The following CHRM3 variants were observed in gnomAD, a reference collection of about 807,000 sequenced individuals.
CHRM3 encodes the protein muscarinic acetylcholine receptor M3.
Under a neutral mutation model 41.8 loss-of-function variants are expected in CHRM3, and 11 were observed. That is an observed-to-expected ratio of 0.26 (90% CI 0.17 to 0.44). The LOEUF (loss-of-function observed/expected upper bound fraction) is 0.44. Among genes scored for constraint, CHRM3 ranks in the 20% least tolerant of loss-of-function variants. The probability of loss-of-function intolerance (pLI) is 1.00; values close to 1 mark genes in which losing one functional copy is unlikely to be tolerated. For synonymous variants in CHRM3, 297 were observed against 301.4 expected (o/e 0.99, Z 0.15); for missense variants, 571 against 745.4 (o/e 0.77, Z 2.72).
chr1:239,539,523 CT>C (rs5782085), intron 2 of CHRM3, among the ~76,000 whole-genome samples: 96,837 of 152,164 alleles, frequency 0.64, 37,232 homozygotes, highest in Non-Finnish European at 0.83. Flanking sequence ...ATTTCTCTTT[CT>C]TTCTCATATT....
chr1:239,581,306 T>C (rs1262110757), intron 3 of CHRM3, among the ~76,000 whole-genome samples: 1 of 152,130 alleles, frequency 6.6e-6, no homozygotes, highest in African/African-American at 2.4e-5. Context: ...AGAATAGATA[T>C]TGCTCTCCTT....
chr1:239,652,504 C>T (rs1205165279), intron 4 of CHRM3, among the ~76,000 whole-genome samples: 3 of 152,148 alleles, frequency 2.0e-5, no homozygotes, highest in Non-Finnish European at 4.4e-5. Flanking sequence ...CTGTTAGTAA[C>T]TGTTCAATAA....
At chr1:239,771,705 A>G (rs1667689837) in intron 5 of CHRM3, among the ~76,000 whole-genome samples, 1 of 152,210 alleles carries the variant, frequency 6.6e-6, no homozygotes, top group Non-Finnish European at 1.5e-5. Flanking sequence ...TAATTACTCA[A>G]CTTTGCCCTT....
At chr1:239,857,688 T>C (rs1161012780) in intron 6 of CHRM3, among the ~76,000 whole-genome samples, 1 of 152,214 alleles carries the variant, frequency 6.6e-6, no homozygotes, top group Non-Finnish European at 1.5e-5. Flanking sequence ...GATATATCAC[T>C]CGGTGTCTTT....
intron 5 of CHRM3, among the ~76,000 whole-genome samples, chr1:239,724,732 T>C (rs1289250534): frequency 6.6e-6 from 1 of 151,982 alleles, no homozygotes; most frequent in African/African-American, 2.4e-5. Context: ...CCGTGATCCA[T>C]TGATGTCTCT....
rs1428547690 is a variant in CHRM3, at chr1:239,731,154, A to T, written c.-147+52866A>T. Among the ~76,000 whole-genome samples, 3 of 152,084 alleles carry T rather than the reference A, an allele frequency of 2.0e-5. No homozygotes were observed. The East Asian group carries it at 5.8e-4, about 30-fold the overall frequency. On this transcript the variant is annotated intron_variant, in intron 5 of 6. Transcript: ENST00000676153. ...ATTTACTGTAACATTTTGGAGCTTT[A>T]AAGGCTGTGGACTGTCACGTGCAGA...
At chr1:239,735,662 G>T (rs929410397) in intron 5 of CHRM3, among the ~76,000 whole-genome samples, 1 of 152,110 alleles carries the variant, frequency 6.6e-6, no homozygotes, top group African/African-American at 2.4e-5. Context: ...ACCATCTGTA[G>T]TATGTTATTT....
At chr1:239,682,216 A>C (rs1658636087) in intron 5 of CHRM3, among the ~76,000 whole-genome samples, 1 of 152,184 alleles carries the variant, frequency 6.6e-6, no homozygotes, top group South Asian at 2.1e-4. Context: ...ATCAAGATGG[A>C]CTGGCCTCGT....
At chr1:239,847,932 G>A (rs1284771809) in intron 6 of CHRM3, among the ~76,000 whole-genome samples, 1 of 148,074 alleles carries the variant, frequency 6.8e-6, no homozygotes, top group Non-Finnish European at 1.5e-5. Flanking sequence ...AAAAAGAAAA[G>A]AGAAGAGAAG....
intron 3 of CHRM3, among the ~76,000 whole-genome samples, chr1:239,562,862 T>A (rs1411726733): frequency 7.5e-6 from 1 of 132,614 alleles, no homozygotes; most frequent in East Asian, 2.2e-4. Context: ...CACTCCAGCC[T>A]GGGCAAAAGA....
At chr1:239,437,224 C>T (rs1447525608) in intron 1 of CHRM3, among the ~76,000 whole-genome samples, 1 of 152,212 alleles carries the variant, frequency 6.6e-6, no homozygotes, top group Non-Finnish European at 1.5e-5. Context: ...AGCAGTCCTC[C>T]TGCCTCAGCC....
chr1:239,439,907 CCTCT>C (rs1663571962), intron 1 of CHRM3, among the ~76,000 whole-genome samples: 1 of 152,004 alleles, frequency 6.6e-6, no homozygotes, highest in Admixed American at 6.6e-5. Flanking sequence ...AGTGTAAAAA[CCTCT>C]CTATATGGCC....
At chr1:239,861,624 C>A (rs1488744137) in intron 6 of CHRM3, among the ~76,000 whole-genome samples, 1 of 152,062 alleles carries the variant, frequency 6.6e-6, no homozygotes, top group African/African-American at 2.4e-5. Context: ...AAGGTTGGGG[C>A]AAGAGAAGTT....
At chr1:239,542,291 A>G (rs1658856639) in intron 2 of CHRM3, among the ~76,000 whole-genome samples, 1 of 152,072 alleles carries the variant, frequency 6.6e-6, no homozygotes. Context: ...TTGAGTTATT[A>G]TTTTTTCAAA....
intron 1 of CHRM3, among the ~76,000 whole-genome samples, chr1:239,436,860 C>T (rs1017682142): frequency 5.3e-5 from 8 of 152,046 alleles, no homozygotes; most frequent in African/African-American, 1.2e-4. Flanking sequence ...GATGCTGTTA[C>T]TCCGTCTTCA....
At chr1:239,845,947 G>A (rs1170595265) in intron 6 of CHRM3, among the ~76,000 whole-genome samples, 2 of 152,198 alleles carry the variant, frequency 1.3e-5, no homozygotes, top group Admixed American at 6.5e-5. Context: ...TAAAATAAAA[G>A]TTTGGTATAG....
At chr1:239,768,503 G>A (rs369548675) in intron 5 of CHRM3, among the ~76,000 whole-genome samples, 92 of 151,946 alleles carry the variant, frequency 6.1e-4, no homozygotes, top group Admixed American at 2.6e-3. Flanking sequence ...TAAACATGGT[G>A]AAAATTAAAT....
intron 3 of CHRM3, among the ~76,000 whole-genome samples, chr1:239,611,599 T>A (rs1667060223): frequency 6.6e-6 from 1 of 151,970 alleles, no homozygotes; most frequent in Non-Finnish European, 1.5e-5. Flanking sequence ...TTTTTTATTT[T>A]TAGTAGAGAT....
At chr1:239,503,786 G>A (rs1342035564) in intron 2 of CHRM3, among the ~76,000 whole-genome samples, 3 of 152,058 alleles carry the variant, frequency 2.0e-5, no homozygotes, top group African/African-American at 7.2e-5. Context: ...ACTGATCTTT[G>A]ACAAAGCAAA....
Sources: allele counts gnomAD v4.1 joint callset (sites outside exome capture counted in the v4.1 genomes callset), GRCh38; gene constraint gnomAD v4.1.1; transcripts MANE v1.5; gene names NCBI Gene and HGNC (gene_info 2026-07-23, HGNC 2026-07-21).